Variants in SAMD5 observed in about 807,000 individuals in gnomAD.
SAMD5 encodes the protein sterile alpha motif domain containing 5.
SAMD5 carries 13 observed loss-of-function variants against 11.3 expected under a neutral mutation model. That is an observed-to-expected ratio of 1.15 (90% CI 0.75 to 1.83). The LOEUF is 1.83. Ranked by LOEUF, SAMD5 falls within the 40% of genes most tolerant of loss-of-function variation. The pLI, the probability that SAMD5 is intolerant of heterozygous loss-of-function variation, is 0.00. For synonymous variants in SAMD5, 129 were observed against 111.3 expected, an observed-to-expected ratio of 1.16 and a Z score of -1.00; for missense variants, 255 against 239.1, an observed-to-expected ratio of 1.07 and a Z score of -0.44.
At chr6:147,766,758 C>T in the SAMD5 span, among the ~76,000 whole-genome samples, 1 of 152,112 alleles carries the variant, frequency 6.6e-6, no homozygotes. Flanking sequence ...AGAGAGTTGA[C>T]AGAATGACAC....
At chr6:147,897,563 T>C in the SAMD5 span, among the ~76,000 whole-genome samples, 1 of 152,298 alleles carries the variant, frequency 6.6e-6, no homozygotes, top group African/African-American at 2.4e-5. Context: ...CCAGCAACTA[T>C]GTGCTTACTA....
intron 1 of SAMD5, among the ~76,000 whole-genome samples, chr6:147,540,474 A>T (rs543354848): frequency 6.6e-6 from 1 of 152,292 alleles, no homozygotes; most frequent in South Asian, 2.1e-4. Flanking sequence ...CATAGTCACA[A>T]GGTTAAGCTC....
At chr6:147,585,733 G>T (rs1427068015) in intron 1 of SAMD5, among the ~76,000 whole-genome samples, 2 of 151,842 alleles carry the variant, frequency 1.3e-5, no homozygotes, top group African/African-American at 4.8e-5. Context: ...TCTGAGTTTT[G>T]GTCTTTAATT....
the SAMD5 span, among the ~76,000 whole-genome samples, chr6:147,768,903 C>T: frequency 6.6e-6 from 1 of 152,178 alleles, no homozygotes; most frequent in African/African-American, 2.4e-5. Flanking sequence ...AAGCGATTCT[C>T]CTGCCTCAGC....
the SAMD5 span, among the ~76,000 whole-genome samples, chr6:147,913,308 A>T: frequency 8.5e-5 from 13 of 152,058 alleles, no homozygotes; most frequent in East Asian, 1.7e-3. Flanking sequence ...CAGAATTTCA[A>T]GCAAATATTG....
At chr6:147,678,084 T>A (rs1310731667) in intron 1 of SAMD5, among the ~76,000 whole-genome samples, 1 of 152,166 alleles carries the variant, frequency 6.6e-6, no homozygotes, top group Non-Finnish European at 1.5e-5. Context: ...ATCATAGATA[T>A]TTATAGATGC....
rs372300300 is a variant in SAMD5, at chr6:147,653,984, C to T, written c.163-83333C>T. Among the ~76,000 whole-genome samples, 65 of 152,288 alleles carry T rather than the reference C, an allele frequency of 4.3e-4. 1 individual carries two copies. The highest frequency in any genetic ancestry group is 1.5e-3 in the African/African-American group (62 of 41,568). ...CTGGTCACAGCCCAGAAGATGTAAT[C>T]AACAATGACACGAATTTAATCCACA... On this transcript the variant is annotated intron_variant, in intron 1 of 1. Transcript: ENST00000566741.
chr6:147,842,239 A>G, the SAMD5 span, among the ~76,000 whole-genome samples: 1 of 152,100 alleles, frequency 6.6e-6, no homozygotes, highest in Non-Finnish European at 1.5e-5. Flanking sequence ...TTGTTGGTCC[A>G]TAGAACTAAT....
chr6:147,543,653 C>A (rs914771254), intron 1 of SAMD5, among the ~76,000 whole-genome samples: 1 of 152,116 alleles, frequency 6.6e-6, no homozygotes, highest in African/African-American at 2.4e-5. Context: ...AAGATATGGT[C>A]TCTAAGGATG....
intron 1 of SAMD5, among the ~76,000 whole-genome samples, chr6:147,684,266 T>C (rs1327932374): frequency 1.3e-5 from 2 of 152,140 alleles, no homozygotes; most frequent in African/African-American, 2.4e-5. Context: ...TGTTATTGCT[T>C]GTTGTTGTAA....
chr6:147,702,962 G>T (rs942507338), intron 1 of SAMD5, among the ~76,000 whole-genome samples: 1 of 152,176 alleles, frequency 6.6e-6, no homozygotes, highest in Non-Finnish European at 1.5e-5. Context: ...TGAAGGTGGG[G>T]AACTCAGGAA....
chr6:147,879,027 A>G, the SAMD5 span, among the ~76,000 whole-genome samples: 7 of 152,236 alleles, frequency 4.6e-5, no homozygotes, highest in Admixed American at 4.6e-4. Context: ...GAATGCAGTT[A>G]TTTTAAGGAA....
intron 1 of SAMD5, among the ~76,000 whole-genome samples, chr6:147,697,891 C>T (rs1006079625): frequency 1.3e-5 from 2 of 152,134 alleles, no homozygotes; most frequent in African/African-American, 4.8e-5. Flanking sequence ...GCTAAAAAAA[C>T]TATGTAGGGC....
chr6:147,604,895 TA>T (rs1375635701), intron 1 of SAMD5, among the ~76,000 whole-genome samples: 1 of 152,158 alleles, frequency 6.6e-6, no homozygotes, highest in Non-Finnish European at 1.5e-5. Flanking sequence ...AAAAATTTAA[TA>T]AAAAAGATAG....
chr6:147,815,003 C>A, the SAMD5 span, among the ~76,000 whole-genome samples: 3 of 152,138 alleles, frequency 2.0e-5, no homozygotes, highest in Non-Finnish European at 2.9e-5. Context: ...AGGGGCCAGG[C>A]TTTGCATTGA....
At chr6:147,561,963 G>A (rs938838454) in intron 1 of SAMD5, among the ~76,000 whole-genome samples, 3 of 152,108 alleles carry the variant, frequency 2.0e-5, no homozygotes, top group African/African-American at 4.8e-5. Flanking sequence ...GACCCATTGC[G>A]GAAATCCTGT....
chr6:147,785,441 G>A, the SAMD5 span, among the ~76,000 whole-genome samples: 1 of 152,094 alleles, frequency 6.6e-6, no homozygotes, highest in Non-Finnish European at 1.5e-5. Flanking sequence ...ACATTCACCT[G>A]ATTTCCTTCC....
intron 1 of SAMD5, among the ~76,000 whole-genome samples, chr6:147,698,872 G>A (rs886964758): frequency 3.9e-5 from 6 of 152,268 alleles, no homozygotes; most frequent in South Asian, 2.1e-4. Context: ...ATGGAAGAAC[G>A]GGGAGGAGCC....
chr6:147,560,792 T>A (rs1788935275), intron 1 of SAMD5, among the ~76,000 whole-genome samples: 2 of 152,206 alleles, frequency 1.3e-5, no homozygotes, highest in African/African-American at 4.8e-5. Context: ...GCTTCTCAGA[T>A]TAGAATTCTA....
Sources: allele counts gnomAD v4.1 joint callset (sites outside exome capture counted in the v4.1 genomes callset), GRCh38; gene constraint gnomAD v4.1.1; transcripts MANE v1.5; gene names NCBI Gene and HGNC (gene_info 2026-07-23, HGNC 2026-07-21).